The following VWA5A variants were observed in gnomAD, a reference collection of about 807,000 sequenced individuals.
The protein encoded by VWA5A is von Willebrand factor A domain containing 5A.
Under a neutral mutation model 84.6 loss-of-function variants are expected in VWA5A, and 77 were observed. That is an observed-to-expected ratio of 0.91 (90% CI 0.76 to 1.10). The LOEUF (loss-of-function observed/expected upper bound fraction) is 1.10. VWA5A is among the 50% of genes least tolerant of loss of function. The pLI, the probability that VWA5A is intolerant of heterozygous loss-of-function variation, is 0.00. For missense variants in VWA5A, 973 were observed against 963.0 expected (o/e 1.01, Z -0.14); for synonymous variants, 334 against 350.1 (o/e 0.95, Z 0.51).
chr11:124,138,634 T>G (rs2137660734), intron 15 of VWA5A, among the ~76,000 whole-genome samples: 1 of 152,324 alleles, frequency 6.6e-6, no homozygotes, highest in East Asian at 1.9e-4. Context: ...TTAAATAAGG[T>G]TATTTGCTTT....
intron 7 of VWA5A, among the ~76,000 whole-genome samples, chr11:124,120,016 GATATA>G (rs1476850248): frequency 1.3e-5 from 2 of 151,994 alleles, no homozygotes; most frequent in African/African-American, 4.8e-5. Flanking sequence ...CTCTTTTCGA[GATATA>G]ATATATGTAA....
intron 15 of VWA5A, among the ~76,000 whole-genome samples, chr11:124,137,940 C>G (rs1368106848): frequency 1.3e-5 from 2 of 152,208 alleles, no homozygotes; most frequent in African/African-American, 4.8e-5. Context: ...CTTACTGCAG[C>G]CTCAACCTCT....
At position 124,117,571 on chromosome 11, in the gene VWA5A, A is replaced by ACT. The variant is rs750167223; in HGVS notation, c.43+20_43+21dup. The ACT allele has an allele frequency of 7.6e-5, 122 of 1,613,824 alleles. No homozygotes were observed. The highest frequency in any genetic ancestry group is 3.7e-4 in the Admixed American group (22 of 59,976). The stretch of plus-strand genomic sequence containing the variant: ...GGGAGCCAGGTAAGCCTAATTTGTG[A>ACT]CTCTTACTTGCCATTGAATCTTTGG... On this transcript the variant is annotated intron_variant, in intron 3 of 18. Transcript: ENST00000456829.
rs537777455 is a variant in VWA5A at position 124,139,698 on chromosome 11, G to A, written c.1880-1900G>A. 7.3e-5 allele frequency among the ~76,000 whole-genome samples: 11 copies of A among 151,278 alleles called. No homozygotes were observed. The South Asian group carries it at 1.0e-3, about 14-fold the overall frequency. Reference sequence around the variant, plus strand: ...CTATTTAACAGGTGTTTTTTTTTTGGTAGAGTCTTTAGGGTTTTCTATGTT... The same window carrying A: ...CTATTTAACAGGTGTTTTTTTTTTGATAGAGTCTTTAGGGTTTTCTATGTT... On this transcript the variant is annotated intron_variant, in intron 15 of 18. Coordinates refer to ENST00000456829, the MANE Select transcript of VWA5A (RefSeq NM_001130142.2).
At chr11:124,124,682 C>A in intron 11 of VWA5A, 1 of 530,820 alleles carries the variant, frequency 1.9e-6, no homozygotes, top group Non-Finnish European at 2.4e-6. Flanking sequence ...GTGATCGCCA[C>A]ATAGGTAAAA....
chr11:124,125,287 T>G (rs948436893), intron 11 of VWA5A, among the ~76,000 whole-genome samples: 2 of 151,976 alleles, frequency 1.3e-5, no homozygotes, highest in Non-Finnish European at 2.9e-5. Context: ...CTTATGGTTT[T>G]TTTTTTTTTT....
Position 124,137,010 on chromosome 11 carries a change from T to A in VWA5A, c.1626-5T>A. The A allele has an allele frequency of 6.2e-7, 1 of 1,610,500 alleles. No homozygotes were observed. Among genetic ancestry groups the A allele is most frequent in the South Asian group, 1.1e-5 (1 of 90,512 alleles). On this transcript the variant is annotated splice_polypyrimidine_tract_variant and splice_region_variant and intron_variant, in intron 14 of 18. Transcript: ENST00000456829. ...ATTTCAGTACTTTTTTTTTTTTCCT[T>A]TCAGCCTCACCATTCACCGCCTTGC...
chr11:124,124,233 A>C lies in VWA5A; in HGVS notation c.1165-4A>C, dbSNP rs754632599. ...CCTGATGAACATTTTCTTTCTTTGT[A>C]TAGCTTTTTGTCTTTACAGATGGAG... On this transcript the variant is annotated splice_region_variant and splice_polypyrimidine_tract_variant and intron_variant, in intron 10 of 18. Coordinates refer to ENST00000456829, the MANE Select transcript of VWA5A (RefSeq NM_001130142.2). The C allele has an allele frequency of 6.2e-7, 1 of 1,612,478 alleles. No individual in the cohort carries two copies.
intron 11 of VWA5A, among the ~76,000 whole-genome samples, chr11:124,128,883 G>T (rs899716606): frequency 6.6e-6 from 1 of 152,222 alleles, no homozygotes; most frequent in Non-Finnish European, 1.5e-5. Context: ...ATTTTGGGCT[G>T]AGACGATAAG....
chr11:124,115,583 T>C (rs1864814481), intron 1 of VWA5A, 101 bp downstream of exon 1: 1 of 152,030 alleles, frequency 6.6e-6, no homozygotes, highest in Non-Finnish European at 1.5e-5. Context: ...CCCAAATTTG[T>C]AGGGGCTCCT....
chr11:124,117,281 A>G (rs569774981), intron 2 of VWA5A: 222 of 594,020 alleles, frequency 3.7e-4, no homozygotes, highest in Non-Finnish European at 3.9e-4. Context: ...TTTAGTAGAT[A>G]CCAGTGAATC....
chr11:124,139,747 G>A (rs1860689801), intron 15 of VWA5A, among the ~76,000 whole-genome samples: 1 of 151,830 alleles, frequency 6.6e-6, no homozygotes, highest in Admixed American at 6.6e-5. Context: ...TCTGCAAACA[G>A]GTGTAGTTTA....
At chr11:124,134,826 A>C in intron 11 of VWA5A, 94 bp from the exon 12 acceptor site, 1 of 869,692 alleles carries the variant, frequency 1.1e-6, no homozygotes. Flanking sequence ...AAGAAAGTAG[A>C]CTATTTCCTT....
intron 11 of VWA5A, 157 bp downstream of exon 11, chr11:124,124,473 A>G (rs1004159882): frequency 1.8e-5 from 25 of 1,374,944 alleles, no homozygotes; most frequent in East Asian, 1.5e-4. Flanking sequence ...TGTAAACGTT[A>G]AAAACAGTTT....
rs955504820 is a variant in VWA5A, at chr11:124,141,723, A to G, written c.2005A>G (p.Lys669Glu). ...CAGTCTCTGTGGGTTGATAAGTCAC[A>G]AGGACCAGCACAGTCCAGGTGAGTA... is the stretch of plus-strand genomic sequence containing the variant. The part of the protein sequence containing the change: ...DYSLCGLISH[K>E]DQHSPGFGEN... The change falls in exon 16 of 19, where the codon AAG becomes GAG. Residue 669 changes from lysine to glutamate, a missense_variant. Coordinates refer to ENST00000456829, the MANE Select transcript of VWA5A (RefSeq NM_001130142.2). 71 of 1,614,066 alleles carry G rather than the reference A, an allele frequency of 4.4e-5. No individual in the cohort carries two copies. The highest frequency in any genetic ancestry group is 5.3e-5 in the Non-Finnish European group (63 of 1,180,048).
rs752167849 is a variant in VWA5A, at chr11:124,142,821, C to T, written c.2154+249C>T. Among the ~76,000 whole-genome samples, 14 of 152,096 alleles carry T rather than the reference C, an allele frequency of 9.2e-5. 1 individual carries two copies. Among genetic ancestry groups the T allele is most frequent in the Non-Finnish European group, 1.5e-5 (1 of 68,024 alleles). ...TGGATGACAAAGGGAAAGCAAAAAT[C>T]CTCTTCCACTTTAATCGTATTCCCT... On this transcript the variant is annotated intron_variant, in intron 17 of 18. Coordinates refer to ENST00000456829, the MANE Select transcript of VWA5A (RefSeq NM_001130142.2).
At chr11:124,127,320 T>A (rs965305202) in intron 11 of VWA5A, among the ~76,000 whole-genome samples, 11 of 152,306 alleles carry the variant, frequency 7.2e-5, no homozygotes, top group African/African-American at 2.6e-4. Flanking sequence ...TCCAACTTCA[T>A]CCGTGTCCCT....
chr11:124,136,702 T>TTCCTTCCTTCCG, intron 14 of VWA5A, 28 bp downstream of exon 14: 1 of 667,440 alleles, frequency 1.5e-6, no homozygotes, highest in South Asian at 1.8e-5. Context: ...CCTTCCTTCC[T>TTCCTTCCTTCCG]TCCTTCCTTC....
intron 11 of VWA5A, among the ~76,000 whole-genome samples, chr11:124,127,492 T>G (rs1238683762): frequency 2.0e-5 from 3 of 152,214 alleles, no homozygotes; most frequent in African/African-American, 4.8e-5. Context: ...GCATGTGTCT[T>G]TATAGTAGAA....
Sources: allele counts gnomAD v4.1 joint callset (sites outside exome capture counted in the v4.1 genomes callset), GRCh38; gene constraint gnomAD v4.1.1; transcripts MANE v1.5; gene names NCBI Gene and HGNC (gene_info 2026-07-23, HGNC 2026-07-21).